Variants in SV2C observed in about 807,000 individuals in gnomAD.
SV2C encodes solute carrier family 22 member B3.
SV2C carries 49 observed loss-of-function variants against 79.7 expected under a neutral mutation model. The observed-to-expected ratio is 0.61, with a 90% CI of 0.49 to 0.78. The LOEUF is 0.78. Ranked by LOEUF, SV2C falls within the 30% of genes least tolerant of loss-of-function variation. SV2C has a pLI of 0.00. For missense variants in SV2C, 833 were observed against 912.9 expected, an observed-to-expected ratio of 0.91 and a Z score of 1.13; for synonymous variants, 334 against 333.2, an observed-to-expected ratio of 1.00 and a Z score of -0.03.
intron 12 of SV2C, chr5:76,353,085 T>G (rs746248061): frequency 4.4e-6 from 2 of 450,644 alleles, no homozygotes; most frequent in Admixed American, 2.4e-5. Context: ...GGACTACAGG[T>G]GGGAGCCACC....
At chr5:76,157,056 A>C (rs1403853679) in intron 2 of SV2C, among the ~76,000 whole-genome samples, 1 of 152,106 alleles carries the variant, frequency 6.6e-6, no homozygotes. Context: ...ATTAATGTAC[A>C]TATCTAGAAA....
the SV2C span, among the ~76,000 whole-genome samples, chr5:76,030,037 G>C: frequency 6.6e-6 from 1 of 152,038 alleles, no homozygotes; most frequent in Non-Finnish European, 1.5e-5. Context: ...TTTCTATGGT[G>C]GGTACTTCAT....
intron 4 of SV2C, among the ~76,000 whole-genome samples, chr5:76,281,642 A>T (rs1747200159): frequency 6.6e-6 from 1 of 152,178 alleles, no homozygotes; most frequent in Non-Finnish European, 1.5e-5. Flanking sequence ...CTCCTTCTGG[A>T]GGCTCTAGGA....
At chr5:76,070,790 C>A in the SV2C span, among the ~76,000 whole-genome samples, 1 of 152,202 alleles carries the variant, frequency 6.6e-6, no homozygotes, top group African/African-American at 2.4e-5. Context: ...TATCTTCTAT[C>A]CACTATGCTA....
intron 12 of SV2C, among the ~76,000 whole-genome samples, chr5:76,303,159 T>A (rs548828216): frequency 6.6e-6 from 1 of 152,298 alleles, no homozygotes; most frequent in African/African-American, 2.4e-5. Context: ...GTTCAGACCC[T>A]CAGTGACCCA....
At chr5:75,871,402 T>A in the SV2C span, among the ~76,000 whole-genome samples, 18,945 of 152,122 alleles carry the variant, frequency 0.12, 1,391 homozygotes, top group African/African-American at 0.22. Flanking sequence ...GTATAAATAC[T>A]GGAAAATAAA....
chr5:75,961,705 A>G, the SV2C span, among the ~76,000 whole-genome samples: 2 of 151,996 alleles, frequency 1.3e-5, no homozygotes, highest in Admixed American at 6.6e-5. Flanking sequence ...TCTCTCTGCA[A>G]TGTAAAGAAT....
intron 4 of SV2C, among the ~76,000 whole-genome samples, chr5:76,238,617 G>A (rs1745691224): frequency 6.6e-6 from 1 of 152,184 alleles, no homozygotes; most frequent in Non-Finnish European, 1.5e-5. Flanking sequence ...TAGGGTTGAG[G>A]GTGAGGGTGT....
chr5:76,048,104 T>C, the SV2C span, among the ~76,000 whole-genome samples: 1 of 152,208 alleles, frequency 6.6e-6, no homozygotes, highest in African/African-American at 2.4e-5. Context: ...TTATACACAA[T>C]AAATACATAC....
the SV2C span, among the ~76,000 whole-genome samples, chr5:76,009,300 A>G: frequency 3.3e-5 from 5 of 152,208 alleles, no homozygotes; most frequent in Non-Finnish European, 7.3e-5. Context: ...GGAATCTTAT[A>G]CACTGTTGAT....
chr5:75,958,750 A>G, the SV2C span, among the ~76,000 whole-genome samples: 2 of 151,868 alleles, frequency 1.3e-5, no homozygotes, highest in African/African-American at 4.8e-5. Context: ...TTATGCTTGA[A>G]ATGAGGGAAG....
chr5:76,247,712 G>A (rs1745985794), intron 4 of SV2C, among the ~76,000 whole-genome samples: 1 of 152,122 alleles, frequency 6.6e-6, no homozygotes, highest in Non-Finnish European at 1.5e-5. Flanking sequence ...CTTGAATTTT[G>A]AATTTAAGTC....
chr5:75,970,075 T>G, the SV2C span, among the ~76,000 whole-genome samples: 10 of 152,168 alleles, frequency 6.6e-5, no homozygotes, highest in African/African-American at 2.4e-4. Flanking sequence ...GAATGACTAC[T>G]GGGTACATAA....
At chr5:76,010,920 C>T in the SV2C span, among the ~76,000 whole-genome samples, 3 of 152,100 alleles carry the variant, frequency 2.0e-5, no homozygotes, top group East Asian at 1.9e-4. Context: ...CTGGTGGGCT[C>T]ATTGAACCTT....
intron 2 of SV2C, among the ~76,000 whole-genome samples, chr5:76,179,166 C>T (rs1743639117): frequency 6.6e-6 from 1 of 152,132 alleles, no homozygotes; most frequent in African/African-American, 2.4e-5. Context: ...GGTGTCTTCA[C>T]TATGAATGTG....
At chr5:75,969,224 C>A in the SV2C span, among the ~76,000 whole-genome samples, 10 of 152,092 alleles carry the variant, frequency 6.6e-5, no homozygotes, top group South Asian at 2.1e-3. Flanking sequence ...CAAAAACATG[C>A]CAAATTGTAA....
chr5:76,277,131 G>A (rs2972840), intron 4 of SV2C, among the ~76,000 whole-genome samples: 21,716 of 152,162 alleles, frequency 0.14, 2,096 homozygotes, highest in African/African-American at 0.27. Context: ...AGCAGCTAGA[G>A]CTTGCATACA....
chr5:76,056,307 C>T, the SV2C span, among the ~76,000 whole-genome samples: 2 of 152,034 alleles, frequency 1.3e-5, no homozygotes, highest in Non-Finnish European at 2.9e-5. Flanking sequence ...TTGAAGTGTG[C>T]ATGTTGAACC....
intron 4 of SV2C, among the ~76,000 whole-genome samples, chr5:76,231,458 T>C (rs1012608584): frequency 1.3e-5 from 2 of 151,952 alleles, no homozygotes; most frequent in Non-Finnish European, 2.9e-5. Flanking sequence ...TTATTATACT[T>C]TAAGTTTTAG....
Sources: allele counts gnomAD v4.1 joint callset (sites outside exome capture counted in the v4.1 genomes callset), GRCh38; gene constraint gnomAD v4.1.1; transcripts MANE v1.5; gene names NCBI Gene and HGNC (gene_info 2026-07-23, HGNC 2026-07-21).